The following CEP192 variants were observed in gnomAD, a reference collection of about 807,000 sequenced individuals.
CEP192 encodes the protein centrosomal protein of 192 kDa.
A neutral mutation model predicts 271.8 loss-of-function variants in CEP192; 151 were observed. That is an observed-to-expected ratio of 0.56 (90% CI 0.49 to 0.64). CEP192 has a LOEUF of 0.64. CEP192 is among the 30% of genes least tolerant of loss of function. The pLI, the probability that CEP192 is intolerant of heterozygous loss-of-function variation, is 0.00. For synonymous variants in CEP192, 995 were observed against 1,076.5 expected (o/e 0.92, Z 1.48); for missense variants, 2,910 against 3,020.5 (o/e 0.96, Z 0.86).
intron 33 of CEP192, among the ~76,000 whole-genome samples, chr18:13,092,145 A>G (rs551880270): frequency 1.3e-5 from 2 of 152,322 alleles, no homozygotes; most frequent in East Asian, 3.9e-4. Context: ...AAAAGTCACA[A>G]AGTAAATGAG....
At position 13,105,007 on chromosome 18, in the gene CEP192, T is replaced by C. The variant is rs142057589; in HGVS notation, c.6975T>C (p.Val2325=). ...AGGGAGTTGATGAAAGTGGAGATGT[T>C]TTTAGAGCTACCTATGCAGCATTCA... The part of the protein sequence containing the change: ...YVKGVDESGD[V]FRATYAAFRC... Residue 2325 remains valine, a synonymous_variant, in exon 40 of 45, where the codon GTT becomes GTC. Coordinates refer to ENST00000506447, the MANE Select transcript of CEP192 (RefSeq NM_032142.4). 1.2e-6 allele frequency: 2 copies of C among 1,613,760 alleles called. No homozygotes were observed. The highest frequency in any genetic ancestry group is 2.7e-5 in the African/African-American group (2 of 74,930).
chr18:13,015,147 G>A (rs183387299), intron 5 of CEP192, among the ~76,000 whole-genome samples, 181 bp from the exon 6 acceptor site: 10 of 152,302 alleles, frequency 6.6e-5, no homozygotes, highest in Admixed American at 3.3e-4. Flanking sequence ...GGGAGGTGGC[G>A]TGGGGGAAAG....
intron 36 of CEP192, among the ~76,000 whole-genome samples, chr18:13,097,898 C>T (rs983298989): frequency 1.5e-4 from 23 of 152,244 alleles, no homozygotes; most frequent in African/African-American, 5.1e-4. Flanking sequence ...CATCTTGCAC[C>T]ACCCTTAATC....
chr18:13,037,392 G>T, intron 12 of CEP192, 91 bp downstream of exon 12: 1 of 596,156 alleles, frequency 1.7e-6, no homozygotes, highest in Non-Finnish European at 3.0e-6. Context: ...TGAATATATG[G>T]TTAGTATAGA....
chr18:13,119,182 A>G (rs576892441), intron 44 of CEP192, among the ~76,000 whole-genome samples: 3 of 152,324 alleles, frequency 2.0e-5, no homozygotes, highest in African/African-American at 4.8e-5. Context: ...AATTGTTGTA[A>G]CTGTTTTTAG....
At position 13,059,159 on chromosome 18, in the gene CEP192, A is replaced by G; in HGVS notation, c.4335A>G (p.Lys1445=). 1 of 1,614,132 alleles carries G rather than the reference A, an allele frequency of 6.2e-7. No homozygotes were observed. The highest frequency in any genetic ancestry group is 2.2e-5 in the East Asian group (1 of 44,884). The change falls in exon 21 of 45, where the codon AAA becomes AAG. Residue 1445 remains lysine (K), a synonymous_variant. Coordinates refer to ENST00000506447, the MANE Select transcript of CEP192 (RefSeq NM_032142.4). ...GACCTCATGCCACAGAAGAGATAAA[A>G]GTGCTTTTTATACCATCCAGTCCTG... The part of the protein sequence containing the change: ...IIRPHATEEI[K]VLFIPSSPGV...
Position 13,087,525 on chromosome 18 carries a change from C to A in CEP192, c.5878-6C>A. ...TTTACTCCTGATTTTTTTTTCTTGG[C>A]ATCAGAATGTTACTTTAATATATAA... On this transcript the variant is annotated splice_polypyrimidine_tract_variant and splice_region_variant and intron_variant, in intron 31 of 44. Transcript: ENST00000506447. 3 of 1,295,006 alleles carry A rather than the reference C, an allele frequency of 2.3e-6. No homozygotes were observed. Among genetic ancestry groups the A allele is most frequent in the South Asian group, 1.4e-5 (1 of 73,422 alleles). The allele number at this position is 1,295,006 out of a possible 1,614,324, so 80.2% of individuals were successfully genotyped here. A position where few individuals can be genotyped will look rare whatever the true frequency, so the allele number is the denominator to read the frequency against.
At position 13,049,226 on chromosome 18, in the gene CEP192, C is replaced by T. The variant is rs751257280; in HGVS notation, c.2435C>T (p.Ser812Phe). 19 of 1,613,950 alleles carry T rather than the reference C, an allele frequency of 1.2e-5. No individual in the cohort carries two copies. The highest frequency in any genetic ancestry group is 2.7e-5 in the African/African-American group (2 of 74,936). ...RASMSDTWDL[S>F]LPKEQTTQDI... Reference sequence around the variant, plus strand: ...AGTATGTCTGATACTTGGGATTTATCTTTGCCCAAAGAACAAACTACTCAA... The same window carrying T: ...AGTATGTCTGATACTTGGGATTTATTTTTGCCCAAAGAACAAACTACTCAA... Residue 812 changes from serine to phenylalanine, a missense_variant, in exon 16 of 45, where the codon TCT becomes TTT. Coordinates refer to ENST00000506447, the MANE Select transcript of CEP192 (RefSeq NM_032142.4).
chr18:13,040,796 T>C, intron 13 of CEP192, 34 bp from the exon 14 acceptor site: 1 of 1,523,000 alleles, frequency 6.6e-7, no homozygotes, highest in Non-Finnish European at 8.9e-7. Flanking sequence ...CAGTTGAAAA[T>C]CAAAGAAATA....
At chr18:13,069,673 G>GC in intron 26 of CEP192, 65 bp from the exon 27 acceptor site, 2 of 857,874 alleles carry the variant, frequency 2.3e-6, no homozygotes, top group South Asian at 2.8e-5. Context: ...TAAGGCAGGA[G>GC]CCACTGAGCG....
intron 34 of CEP192, among the ~76,000 whole-genome samples, chr18:13,095,033 T>C (rs554339998): frequency 6.6e-5 from 10 of 152,336 alleles, no homozygotes; most frequent in East Asian, 1.9e-4. Context: ...GTCACCCCTA[T>C]ACTTTACGTA....
chr18:13,030,096 T>A, intron 10 of CEP192, 94 bp downstream of exon 10: 1 of 1,031,262 alleles, frequency 9.7e-7, no homozygotes, highest in South Asian at 1.7e-5. Context: ...CAGTCTTTCC[T>A]GTTGAAATAT....
At chr18:13,000,112 T>TTTTTTTTTTTTTTATTAAAAAAA (rs2033539405) in intron 2 of CEP192, among the ~76,000 whole-genome samples, 1 of 130,336 alleles carries the variant, frequency 7.7e-6, no homozygotes, top group African/African-American at 3.2e-5. Context: ...TTTTTTTTTT[T>TTTTTTTTTTTTTTATTAAAAAAA]TTTTTTGCTA....
At chr18:13,050,114 T>G (rs1166556946) in intron 17 of CEP192, among the ~76,000 whole-genome samples, 1 of 152,160 alleles carries the variant, frequency 6.6e-6, no homozygotes, top group East Asian at 1.9e-4. Context: ...AGAAAACTAG[T>G]AATGTTACAG....
chr18:13,044,366 T>C (rs1025057306), intron 15 of CEP192, among the ~76,000 whole-genome samples: 1 of 152,208 alleles, frequency 6.6e-6, no homozygotes, highest in Non-Finnish European at 1.5e-5. Context: ...TTTCCCTCAT[T>C]CATTGGGAAC....
At chr18:13,051,047 C>T (rs566255124) in intron 17 of CEP192, among the ~76,000 whole-genome samples, 1 of 152,320 alleles carries the variant, frequency 6.6e-6, no homozygotes, top group East Asian at 1.9e-4. Context: ...AGAGGGATAT[C>T]TGAGACTAGC....
chr18:13,099,203 A>C, intron 36 of CEP192, among the ~76,000 whole-genome samples: 1 of 145,652 alleles, frequency 6.9e-6, no homozygotes, highest in East Asian at 2.1e-4. Context: ...GGGGAGAGGG[A>C]GAGGGAGAGG....
chr18:13,040,675 G>A (rs1163888143), intron 13 of CEP192, among the ~76,000 whole-genome samples, 155 bp from the exon 14 acceptor site: 1 of 152,170 alleles, frequency 6.6e-6, no homozygotes, highest in Non-Finnish European at 1.5e-5. Flanking sequence ...GTTCTACCTG[G>A]ACCTTTGAAG....
chr18:13,042,108 C>G, intron 14 of CEP192, 96 bp from the exon 15 acceptor site: 2 of 966,672 alleles, frequency 2.1e-6, no homozygotes, highest in Non-Finnish European at 3.1e-6. Flanking sequence ...AGACATCTTC[C>G]TTGGTAAATT....
Sources: allele counts gnomAD v4.1 joint callset (sites outside exome capture counted in the v4.1 genomes callset), GRCh38; gene constraint gnomAD v4.1.1; transcripts MANE v1.5; gene names NCBI Gene and HGNC (gene_info 2026-07-23, HGNC 2026-07-21).